SLC16A2: variants seen among roughly 807,000 people sequenced by gnomAD.
SLC16A2 encodes the protein monocarboxylate transporter 8.
A neutral mutation model predicts 27.2 loss-of-function variants in SLC16A2; 3 were observed. That is an observed-to-expected ratio of 0.11 (90% CI 0.05 to 0.28). The LOEUF (loss-of-function observed/expected upper bound fraction) is 0.28, where lower values mean the gene tolerates loss of function less well. Ranked by LOEUF, SLC16A2 falls within the 10% of genes least tolerant of loss-of-function variation. The probability of loss-of-function intolerance (pLI) is 1.00; values close to 1 mark genes in which losing one functional copy is unlikely to be tolerated. For missense variants in SLC16A2, 295 were observed against 458.5 expected, an observed-to-expected ratio of 0.64 and a Z score of 3.26; for synonymous variants, 202 against 187.8, an observed-to-expected ratio of 1.08 and a Z score of -0.62.
At chrX:74,520,579 T>C (rs1225491006) in intron 1 of SLC16A2, among the ~76,000 whole-genome samples, 2 of 111,912 alleles carry the variant, frequency 1.8e-5, no homozygotes, top group Non-Finnish European at 3.8e-5. Context: ...TGTATCCTAG[T>C]ACAATTCCAG....
intron 1 of SLC16A2, among the ~76,000 whole-genome samples, chrX:74,460,086 T>C (rs924646614): frequency 9.0e-6 from 1 of 111,424 alleles, no homozygotes; most frequent in South Asian, 3.8e-4. Flanking sequence ...TCTGAGAAAA[T>C]AAGTAATACA....
At chrX:74,497,495 T>A (rs1159102078) in intron 1 of SLC16A2, among the ~76,000 whole-genome samples, 2 of 108,838 alleles carry the variant, frequency 1.8e-5, no homozygotes, top group African/African-American at 3.3e-5. Flanking sequence ...GTTCTCAAAG[T>A]TTTTTGTTTT....
intron 1 of SLC16A2, among the ~76,000 whole-genome samples, chrX:74,487,074 TCGCAGGAAC>T (rs1929734769): frequency 9.1e-6 from 1 of 110,077 alleles, no homozygotes; most frequent in Non-Finnish European, 1.9e-5. Context: ...TATGTTCTGG[TCGCAGGAAC>T]TTTATTTATT....
chrX:74,503,328 G>T (rs934757960), intron 1 of SLC16A2, among the ~76,000 whole-genome samples: 1 of 111,114 alleles, frequency 9.0e-6, no homozygotes, highest in Admixed American at 9.6e-5. Flanking sequence ...TTGCTGTCTT[G>T]TGGGCACATA....
chrX:74,505,345 T>A (rs1031522500), intron 1 of SLC16A2, among the ~76,000 whole-genome samples: 3 of 111,917 alleles, frequency 2.7e-5, no homozygotes, highest in Admixed American at 9.5e-5. Flanking sequence ...GTTTCCTCAT[T>A]TTCCCCATCT....
At chrX:74,465,762 G>T (rs746240358) in intron 1 of SLC16A2, among the ~76,000 whole-genome samples, 2 of 111,614 alleles carry the variant, frequency 1.8e-5, no homozygotes, top group East Asian at 5.7e-4. Context: ...GCTAGCCTCT[G>T]GGCCATGAAC....
At position 74,524,452 on chromosome X, in the gene SLC16A2, C is replaced by T. The variant is rs1930458000; in HGVS notation, c.669C>T (p.Tyr223=). Residue 223 remains tyrosine (Y), a synonymous_variant, in exon 3 of 6, where the codon TAC becomes TAT. Coordinates refer to ENST00000587091, the MANE Select transcript of SLC16A2 (RefSeq NM_006517.5). ...FQPSLVILGH[Y]FQRRLGLANG... ...CATCCCTCGTCATCCTGGGCCACTACTTTCAACGCCGCCTGGGTCTGGCCA... is the reference window on the plus strand; with the variant it reads ...CATCCCTCGTCATCCTGGGCCACTATTTTCAACGCCGCCTGGGTCTGGCCA... 8.3e-7 allele frequency: 1 copy of T among 1,211,954 alleles called. No individual in the cohort carries two copies. Among genetic ancestry groups the T allele is most frequent in the African/African-American group, 1.7e-5 (1 of 57,833 alleles).
chrX:74,526,971 G>A lies in SLC16A2; in HGVS notation c.1170+1078G>A, dbSNP rs555734583. The stretch of plus-strand genomic sequence containing the variant: ...CAGCTCCAAGATGCCAAAGAGTTCT[G>A]GAAATCAGGGTAATCTGGCATTGGG... On this transcript the variant is annotated intron_variant, in intron 4 of 5. Transcript: ENST00000587091. Among the ~76,000 whole-genome samples, 6 of 112,575 alleles carry A rather than the reference G, an allele frequency of 5.3e-5. No homozygotes were observed. In the South Asian group the frequency reaches 2.2e-3, roughly 42 times the overall value.
intron 1 of SLC16A2, among the ~76,000 whole-genome samples, chrX:74,450,381 A>G (rs1569286755): frequency 1.8e-5 from 2 of 112,011 alleles, no homozygotes; most frequent in South Asian, 7.5e-4. Context: ...GACCTTGAGC[A>G]TGTTCCTCTC....
At chrX:74,499,004 C>T (rs1301157381) in intron 1 of SLC16A2, among the ~76,000 whole-genome samples, 2 of 111,823 alleles carry the variant, frequency 1.8e-5, no homozygotes, top group Non-Finnish European at 3.8e-5. Context: ...TAGGCCAGAC[C>T]CCAGTCAGAC....
intron 1 of SLC16A2, among the ~76,000 whole-genome samples, chrX:74,450,536 G>A (rs1235590586): frequency 9.0e-6 from 1 of 110,991 alleles, no homozygotes; most frequent in African/African-American, 3.3e-5. Flanking sequence ...GCTCTGCCCC[G>A]CCCCACCCAA....
intron 1 of SLC16A2, among the ~76,000 whole-genome samples, chrX:74,500,079 G>C (rs1197573104): frequency 9.1e-6 from 1 of 109,316 alleles, no homozygotes; most frequent in Non-Finnish European, 1.9e-5. Flanking sequence ...TTTGGGGTGA[G>C]GTTTTGGCAT....
intron 1 of SLC16A2, among the ~76,000 whole-genome samples, chrX:74,479,511 G>T (rs748040539): frequency 1.7e-3 from 193 of 112,495 alleles, no homozygotes; most frequent in Non-Finnish European, 3.0e-3. Flanking sequence ...CTCCAGCTTT[G>T]TTCCATTGCT....
At chrX:74,492,478 G>C (rs1378209948) in intron 1 of SLC16A2, among the ~76,000 whole-genome samples, 1 of 110,627 alleles carries the variant, frequency 9.0e-6, no homozygotes, top group Non-Finnish European at 1.9e-5. Flanking sequence ...ACCCTTGGGA[G>C]ACCATTGACC....
At chrX:74,460,451 C>A (rs1485766651) in intron 1 of SLC16A2, among the ~76,000 whole-genome samples, 1 of 111,777 alleles carries the variant, frequency 8.9e-6, no homozygotes, top group African/African-American at 3.2e-5. Flanking sequence ...CACGTCTTCC[C>A]TAGCTTTCTC....
At chrX:74,443,151 C>T (rs189810604) in intron 1 of SLC16A2, among the ~76,000 whole-genome samples, 158 of 111,182 alleles carry the variant, frequency 1.4e-3, no homozygotes, top group Non-Finnish European at 2.2e-3. Flanking sequence ...AGGGGATATT[C>T]CTCCCTTTTT....
At chrX:74,475,356 G>C (rs1359060710) in intron 1 of SLC16A2, among the ~76,000 whole-genome samples, 2 of 109,270 alleles carry the variant, frequency 1.8e-5, no homozygotes, top group Non-Finnish European at 3.8e-5. Flanking sequence ...ATTTGTTTGA[G>C]TTCATTGTAG....
chrX:74,457,386 G>A (rs866792918), intron 1 of SLC16A2, among the ~76,000 whole-genome samples: 25 of 110,680 alleles, frequency 2.3e-4, no homozygotes, highest in Middle Eastern at 9.3e-3. Context: ...GACTCCCAGT[G>A]AAGCAGACTT....
At chrX:74,485,050 C>T (rs930647225) in intron 1 of SLC16A2, among the ~76,000 whole-genome samples, 9 of 110,672 alleles carry the variant, frequency 8.1e-5, no homozygotes, top group African/African-American at 2.6e-4. Flanking sequence ...AACCTCGTCT[C>T]TACTAAAAAT....
Sources: allele counts gnomAD v4.1 joint callset (sites outside exome capture counted in the v4.1 genomes callset), GRCh38; gene constraint gnomAD v4.1.1; transcripts MANE v1.5; gene names NCBI Gene and HGNC (gene_info 2026-07-23, HGNC 2026-07-21).